Variants in RDX observed in about 807,000 individuals in gnomAD.
The protein encoded by RDX is deafness, autosomal recessive 24.
Under a neutral mutation model 83.7 loss-of-function variants are expected in RDX, and 32 were observed. The ratio of observed to expected loss-of-function variants is 0.38; its 90% CI spans 0.29 to 0.51. RDX has a LOEUF of 0.51. Among genes scored for constraint, RDX ranks in the 20% least tolerant of loss-of-function variants. The probability of loss-of-function intolerance (pLI) is 0.87; values close to 1 mark genes in which losing one functional copy is unlikely to be tolerated. For missense variants in RDX, 600 were observed against 689.9 expected, an observed-to-expected ratio of 0.87 and a Z score of 1.46; for synonymous variants, 229 against 222.7, an observed-to-expected ratio of 1.03 and a Z score of -0.25.
chr11:110,204,514 CTTTTTTTTT>C (rs577737066), intron 14 of RDX, among the ~76,000 whole-genome samples: 2 of 107,734 alleles, frequency 1.9e-5, no homozygotes, highest in South Asian at 6.0e-4. Context: ...TTTTTTTTTC[CTTTTTTTTT>C]TTTTTTTTTT....
intron 3 of RDX, among the ~76,000 whole-genome samples, chr11:110,265,499 AATAT>A (rs5794684): frequency 2.6e-4 from 39 of 147,384 alleles, no homozygotes; most frequent in East Asian, 1.6e-3. Flanking sequence ...GAGTCTTGAA[AATAT>A]ATATATATAT....
chr11:110,285,449 C>T (rs1024265884), intron 1 of RDX, among the ~76,000 whole-genome samples: 2 of 151,880 alleles, frequency 1.3e-5, no homozygotes, highest in African/African-American at 4.8e-5. Flanking sequence ...TATGGTGGCT[C>T]GCGCCTGTAA....
Position 110,237,671 on chromosome 11 carries a change from C to T in RDX, c.1091-19G>A, listed in dbSNP as rs752676875. ...TCTAGTTCTATGAAATATGTGTATT[C>T]CCCCCAACAGTGATTAATTCCAATC... On this transcript the variant is annotated intron_variant, in intron 10 of 13. Transcript: ENST00000645495. 13 of 1,610,916 alleles carry T rather than the reference C, an allele frequency of 8.1e-6. No homozygotes were observed. Among genetic ancestry groups the T allele is most frequent in the African/African-American group, 5.3e-5 (4 of 74,834 alleles).
chr11:110,255,255 A>G (rs1214128556), intron 8 of RDX, 34 bp downstream of exon 8: 1 of 1,085,792 alleles, frequency 9.2e-7, no homozygotes. Flanking sequence ...GATATTAAAC[A>G]GTTAATACAC....
intron 14 of RDX, among the ~76,000 whole-genome samples, chr11:110,206,089 C>T (rs927511475): frequency 2.0e-5 from 3 of 151,888 alleles, no homozygotes; most frequent in African/African-American, 7.3e-5. Context: ...AACCCTGTCT[C>T]TACTAAAAAT....
At chr11:110,193,483 T>G (rs977156746) in intron 15 of RDX, among the ~76,000 whole-genome samples, 1 of 152,256 alleles carries the variant, frequency 6.6e-6, no homozygotes, top group East Asian at 1.9e-4. Flanking sequence ...AATAAATTCA[T>G]GTAACAAACC....
downstream of RDX, chr11:110,229,311 G>C (rs994105782): frequency 2.6e-5 from 4 of 152,222 alleles, no homozygotes; most frequent in South Asian, 2.1e-4. Context: ...GGAAAGAGTA[G>C]ATCTATGAGG....
At chr11:110,258,247 CT>C (rs2134364985) in intron 5 of RDX, 58 bp from the exon 6 acceptor site, 7 of 1,140,716 alleles carry the variant, frequency 6.1e-6, no homozygotes, top group Non-Finnish European at 8.9e-6. Context: ...AAAGCATACA[CT>C]TTAAAAGTAA....
At chr11:110,219,348 T>G (rs1184573480) in intron 14 of RDX, among the ~76,000 whole-genome samples, 2 of 152,128 alleles carry the variant, frequency 1.3e-5, no homozygotes, top group African/African-American at 4.8e-5. Flanking sequence ...CAGAATAGAT[T>G]AGGCTGCAAA....
At chr11:110,185,277 G>A (rs2134220972) in intron 15 of RDX, 1 of 152,302 alleles carries the variant, frequency 6.6e-6, no homozygotes. Context: ...GCTAGAAGAG[G>A]ATATTGATTT....
intron 14 of RDX, among the ~76,000 whole-genome samples, chr11:110,203,975 G>A (rs949200469): frequency 1.3e-5 from 2 of 152,126 alleles, no homozygotes; most frequent in Non-Finnish European, 2.9e-5. Context: ...CTGGGAAATG[G>A]AGGGTGCAGT....
chr11:110,215,409 T>TAAAA (rs1555033478), intron 14 of RDX, among the ~76,000 whole-genome samples: 17 of 138,348 alleles, frequency 1.2e-4, no homozygotes, highest in Middle Eastern at 3.6e-3. Context: ...AATAAATAAA[T>TAAAA]AAAATAATAA....
intron 15 of RDX, among the ~76,000 whole-genome samples, chr11:110,188,520 G>C (rs891887839): frequency 6.6e-6 from 1 of 151,992 alleles, no homozygotes; most frequent in East Asian, 1.9e-4. Context: ...AAGGATGGGA[G>C]GGGGGTGAGG....
At chr11:110,263,100 C>T (rs965624132) in intron 5 of RDX, among the ~76,000 whole-genome samples, 1 of 151,720 alleles carries the variant, frequency 6.6e-6, no homozygotes, top group African/African-American at 2.4e-5. Context: ...CATAGTGATA[C>T]CCTGTCTCTG....
rs1175708008 is a variant in RDX, at chr11:110,230,913, C to T, written c.*956G>A. The T allele has an allele frequency of 6.6e-6, 1 of 151,392 alleles. No homozygotes were observed. The highest frequency in any genetic ancestry group is 2.5e-5 in the African/African-American group (1 of 40,814). 9.4% of individuals were successfully genotyped at this position (151,392 alleles called of 1,614,324 possible). On this transcript the variant is annotated 3_prime_UTR_variant, in exon 14 of 14. Transcript: ENST00000645495. ...TGAGGTAGTATTGTTGTCCCCTCCT[C>T]GGGACTGATGTTTTTATATGCTGCC... is the stretch of plus-strand genomic sequence containing the variant.
chr11:110,289,704 G>A (rs1338935842), intron 1 of RDX, among the ~76,000 whole-genome samples: 2 of 151,668 alleles, frequency 1.3e-5, no homozygotes. Context: ...ATCACTTGAG[G>A]TCAGGAGTTC....
At chr11:110,262,648 A>C (rs1490804867) in intron 5 of RDX, among the ~76,000 whole-genome samples, 1 of 152,192 alleles carries the variant, frequency 6.6e-6, no homozygotes, top group South Asian at 2.1e-4. Context: ...GATTCCATCA[A>C]TACTACTAAA....
intron 1 of RDX, among the ~76,000 whole-genome samples, chr11:110,292,683 CAT>C (rs1861293775): frequency 6.6e-6 from 1 of 151,822 alleles, no homozygotes; most frequent in African/African-American, 2.4e-5. Context: ...TCCTGAAAGC[CAT>C]AGAGATTATC....
intron 1 of RDX, among the ~76,000 whole-genome samples, chr11:110,292,790 T>C (rs1436100632): frequency 6.6e-6 from 1 of 152,236 alleles, no homozygotes; most frequent in African/African-American, 2.4e-5. Flanking sequence ...TACCTGTTTC[T>C]TCAATACTGT....
Sources: gnomAD v4.1 joint callset for allele counts (sites outside exome capture counted in the v4.1 genomes callset) on GRCh38, gnomAD v4.1.1 for gene constraint, MANE v1.5 for transcripts, NCBI Gene and HGNC (gene_info 2026-07-23, HGNC 2026-07-21) for gene names.